Variants in MPPED1 observed in about 807,000 individuals in gnomAD.
The protein encoded by MPPED1 is metallophosphoesterase domain containing 1, also known as metallophosphoesterase domain-containing protein 1.
A neutral mutation model predicts 36.2 loss-of-function variants in MPPED1; 16 were observed. The observed-to-expected ratio is 0.44, with a 90% CI of 0.30 to 0.67. The LOEUF (loss-of-function observed/expected upper bound fraction) is 0.67, where lower values mean the gene tolerates loss of function less well. Ranked by LOEUF, MPPED1 falls within the 30% of genes least tolerant of loss-of-function variation. The probability of loss-of-function intolerance (pLI) is 0.10; values close to 1 mark genes in which losing one functional copy is unlikely to be tolerated. For missense variants in MPPED1, 307 were observed against 453.4 expected (o/e 0.68, Z 2.93); for synonymous variants, 199 against 191.3 (o/e 1.04, Z -0.33).
chr22:43,428,541 G>T (rs974550707), intron 2 of MPPED1, among the ~76,000 whole-genome samples: 7 of 152,316 alleles, frequency 4.6e-5, no homozygotes, highest in African/African-American at 1.7e-4. Context: ...GGAGCGGTGG[G>T]GGGATGGCTG....
intron 3 of MPPED1, among the ~76,000 whole-genome samples, chr22:43,473,717 G>A (rs551489564): frequency 2.0e-3 from 306 of 152,268 alleles, no homozygotes; most frequent in African/African-American, 7.1e-3. Context: ...AGGGGGCAGG[G>A]GCGAGTGGCG....
In MPPED1 at chr22:43,502,537, C is replaced by T. The variant is rs569940243; in HGVS notation, c.749-107C>T. The T allele has an allele frequency of 1.6e-5, 13 of 832,588 alleles. No homozygotes were observed. The highest frequency in any genetic ancestry group is 1.0e-4 in the East Asian group (4 of 39,814). 51.6% of individuals were successfully genotyped at this position (832,588 alleles called of 1,614,324 possible). ...GGGAGAGTGGTGCAAAGCCGGAGTC[C>T]GGAAGCCCCATGCCTTCTCCAGGCT... On this transcript the variant is annotated intron_variant, in intron 5 of 6. Coordinates refer to ENST00000443721, the MANE Select transcript of MPPED1 (RefSeq NM_001044370.2). The surrounding 1 kb of genome is among the most constrained non-coding windows in gnomAD (Gnocchi z 5.5).
intron 4 of MPPED1, among the ~76,000 whole-genome samples, chr22:43,479,103 G>A (rs114133370): frequency 6.6e-6 from 1 of 152,300 alleles, no homozygotes; most frequent in African/African-American, 2.4e-5. Context: ...GCTGTCTGTT[G>A]AGGTTCTGGC....
At chr22:43,453,514 C>G (rs187435435) in intron 3 of MPPED1, among the ~76,000 whole-genome samples, 1 of 152,044 alleles carries the variant, frequency 6.6e-6, no homozygotes, top group Admixed American at 6.6e-5. Context: ...CCTGCGGCTT[C>G]GTTGTGGGAT....
intron 4 of MPPED1, among the ~76,000 whole-genome samples, chr22:43,493,616 A>G (rs1000312569): frequency 4.2e-4 from 64 of 152,190 alleles, no homozygotes; most frequent in African/African-American, 1.4e-3. Context: ...CCTCATCTGT[A>G]AAAGGGGAAT....
chr22:43,495,486 TG>T (rs1569088612), intron 4 of MPPED1, among the ~76,000 whole-genome samples: 18 of 23,426 alleles, frequency 7.7e-4, no homozygotes, highest in East Asian at 3.3e-3. Context: ...GAGGTGGTGG[TG>T]GAGGTAGTGG....
chr22:43,501,644 G>A (rs2146927738), intron 5 of MPPED1, among the ~76,000 whole-genome samples: 1 of 152,268 alleles, frequency 6.6e-6, no homozygotes, highest in Admixed American at 6.5e-5. Context: ...CATGCATGGT[G>A]GGATCCCAGT....
chr22:43,434,660 G>A (rs1259498621), intron 2 of MPPED1, among the ~76,000 whole-genome samples: 1 of 152,240 alleles, frequency 6.6e-6, no homozygotes, highest in African/African-American at 2.4e-5. Context: ...ACATCTTGAA[G>A]AGGCCACTCT....
intron 2 of MPPED1, 131 bp downstream of exon 2, chr22:43,425,340 G>A (rs959585215): frequency 1.2e-4 from 172 of 1,404,884 alleles, no homozygotes; most frequent in Non-Finnish European, 1.5e-4. Context: ...AACAATTCTG[G>A]AATTCTAGGA....
intron 1 of MPPED1, chr22:43,418,151 C>T (rs1207215369): frequency 4.4e-6 from 2 of 456,174 alleles, no homozygotes; most frequent in Non-Finnish European, 8.8e-6. Context: ...ACCGGCCTGG[C>T]ACTGGCTTTG....
At chr22:43,490,462 G>C (rs969536599) in intron 4 of MPPED1, among the ~76,000 whole-genome samples, 1 of 152,142 alleles carries the variant, frequency 6.6e-6, no homozygotes, top group Non-Finnish European at 1.5e-5. Flanking sequence ...GCGGGAAACT[G>C]TCACCCCTAG....
chr22:43,492,000 G>C (rs1932119909), intron 4 of MPPED1, among the ~76,000 whole-genome samples: 1 of 151,406 alleles, frequency 6.6e-6, no homozygotes, highest in African/African-American at 2.4e-5. Context: ...GATGGAGGTG[G>C]TGGTGGTGAT....
chr22:43,473,310 C>T (rs532457831), intron 3 of MPPED1, among the ~76,000 whole-genome samples: 243 of 152,266 alleles, frequency 1.6e-3, no homozygotes, highest in Non-Finnish European at 3.0e-3. Context: ...TGGCACCTTG[C>T]CCTGTGTGTG....
chr22:43,489,945 C>T (rs889298175), intron 4 of MPPED1, among the ~76,000 whole-genome samples: 10 of 152,236 alleles, frequency 6.6e-5, no homozygotes, highest in Admixed American at 2.0e-4. Context: ...CTCCTCCTCC[C>T]TCCTTTCCTC....
chr22:43,490,456 G>A (rs993672536), intron 4 of MPPED1, among the ~76,000 whole-genome samples: 1 of 152,160 alleles, frequency 6.6e-6, no homozygotes, highest in African/African-American at 2.4e-5. Flanking sequence ...AAGCTGGCGG[G>A]AAACTGTCAC....
chr22:43,453,297 C>T (rs1395184627), intron 3 of MPPED1, among the ~76,000 whole-genome samples: 1 of 151,200 alleles, frequency 6.6e-6, no homozygotes, highest in Non-Finnish European at 1.5e-5. Flanking sequence ...CTGCAAAGAA[C>T]ATCGCTATGG....
At chr22:43,500,857 TG>T (rs1932713024) in intron 5 of MPPED1, among the ~76,000 whole-genome samples, 1 of 151,900 alleles carries the variant, frequency 6.6e-6, no homozygotes, top group African/African-American at 2.4e-5. Context: ...TTAGGCTGCA[TG>T]GGGGACTTGC....
chr22:43,465,760 C>T (rs1399682759), intron 3 of MPPED1, among the ~76,000 whole-genome samples: 1 of 152,026 alleles, frequency 6.6e-6, no homozygotes, highest in African/African-American at 2.4e-5. Flanking sequence ...GAAGGAAGGG[C>T]GGGAAGAGGA....
At chr22:43,425,420 C>A (rs1328716093) in intron 2 of MPPED1, among the ~76,000 whole-genome samples, 1 of 152,236 alleles carries the variant, frequency 6.6e-6, no homozygotes, top group Non-Finnish European at 1.5e-5. Flanking sequence ...CCGATTCTGG[C>A]CGCAGTCCTG....
Sources: gnomAD v4.1 joint callset for allele counts (sites outside exome capture counted in the v4.1 genomes callset) on GRCh38, gnomAD v4.1.1 for gene constraint, Gnocchi (gnomAD v3.1) non-coding constraint, MANE v1.5 for transcripts, NCBI Gene and HGNC (gene_info 2026-07-23, HGNC 2026-07-21) for gene names.